TTC7B: variants seen among roughly 807,000 people sequenced by gnomAD.
The protein encoded by TTC7B is tetratricopeptide repeat protein 7B.
A neutral mutation model predicts 106.8 loss-of-function variants in TTC7B; 28 were observed. The ratio of observed to expected loss-of-function variants is 0.26; its 90% CI spans 0.19 to 0.36. The LOEUF (loss-of-function observed/expected upper bound fraction) is 0.36. TTC7B is among the 10% of genes least tolerant of loss of function. TTC7B has a pLI of 1.00. For synonymous variants in TTC7B, 405 were observed against 430.6 expected, an observed-to-expected ratio of 0.94 and a Z score of 0.74; for missense variants, 862 against 1,076.4, an observed-to-expected ratio of 0.80 and a Z score of 2.79.
chr14:90,724,422 A>G (rs1175731772), intron 5 of TTC7B, among the ~76,000 whole-genome samples: 2 of 152,002 alleles, frequency 1.3e-5, no homozygotes, highest in Non-Finnish European at 2.9e-5. Context: ...GTAATCCCCA[A>G]TGTCGGAAAT....
chr14:90,612,439 A>C (rs1303271619), intron 16 of TTC7B, among the ~76,000 whole-genome samples: 1 of 152,222 alleles, frequency 6.6e-6, no homozygotes, highest in African/African-American at 2.4e-5. Flanking sequence ...ATACAGTGAA[A>C]CGATGACATA....
chr14:90,596,026 T>A lies in TTC7B; in HGVS notation c.1967-2400A>T, dbSNP rs1210325363. On this transcript the variant is annotated intron_variant, in intron 17 of 19. Transcript: ENST00000328459. ...GTTCTTAGACTTTTTGGTCTCAGAA[T>A]CTCTTCAGACTCTAAAAAAATCATT... Among the ~76,000 whole-genome samples the A allele has an allele frequency of 4.6e-5, 7 of 152,162 alleles. No homozygotes were observed. In the East Asian group the frequency reaches 1.2e-3, roughly 25 times the overall value.
intron 5 of TTC7B, among the ~76,000 whole-genome samples, chr14:90,714,230 C>CAA (rs1158904326): frequency 4.5e-5 from 6 of 134,214 alleles, no homozygotes; most frequent in African/African-American, 1.1e-4. Context: ...AACTCTGTCT[C>CAA]AAAAAAAGAA....
In TTC7B at chr14:90,570,819, C is replaced by A. The variant is rs1422747613; in HGVS notation, c.2310+7287G>T. 6.6e-6 allele frequency among the ~76,000 whole-genome samples: 1 copy of A among 152,182 alleles called. No homozygotes were observed. Among genetic ancestry groups the A allele is most frequent in the African/African-American group, 2.4e-5 (1 of 41,438 alleles). ...AACTCATTTAACCCGCACAGCAACA[C>A]CACCGGGCACTGTTATTACTCCCAT... is the stretch of plus-strand genomic sequence containing the variant. On this transcript the variant is annotated intron_variant, in intron 19 of 19. Coordinates refer to ENST00000328459, the MANE Select transcript of TTC7B (RefSeq NM_001010854.2). The surrounding 1 kb of genome is among the most constrained non-coding windows in gnomAD (Gnocchi z 4.0).
Position 90,533,172 on chromosome 14 carries a change from G to T in TTC7B, c.*8196C>A, listed in dbSNP as rs995240322. On this transcript the variant is annotated 3_prime_UTR_variant, in exon 20 of 20. Coordinates refer to ENST00000328459, the MANE Select transcript of TTC7B (RefSeq NM_001010854.2). The stretch of plus-strand genomic sequence containing the variant: ...CCCGAGCCCTTGGGCCACAGGCACC[G>T]CCTCAGGCAGTGGCGGATGGGAGCC... 6.6e-6 allele frequency: 1 copy of T among 152,334 alleles called. No individual in the cohort carries two copies. The highest frequency in any genetic ancestry group is 1.5e-5 in the Non-Finnish European group (1 of 68,160). The allele number at this position is 152,334 out of a possible 1,614,324, so 9.4% of individuals were successfully genotyped here. A position where few individuals can be genotyped will look rare whatever the true frequency, so the allele number is the denominator to read the frequency against.
At chr14:90,595,560 G>A (rs888881307) in intron 17 of TTC7B, among the ~76,000 whole-genome samples, 2 of 152,060 alleles carry the variant, frequency 1.3e-5, no homozygotes, top group African/African-American at 4.8e-5. Context: ...TTGATAACAA[G>A]GACTTGATGT....
chr14:90,790,103 A>G (rs781725473), intron 1 of TTC7B, among the ~76,000 whole-genome samples: 35 of 152,060 alleles, frequency 2.3e-4, no homozygotes, highest in Non-Finnish European at 3.8e-4. Flanking sequence ...CAATATGATC[A>G]CTGTTTATAG....
intron 1 of TTC7B, among the ~76,000 whole-genome samples, chr14:90,800,964 T>A (rs1342998160): frequency 6.6e-6 from 1 of 152,104 alleles, no homozygotes; most frequent in Non-Finnish European, 1.5e-5. Context: ...GGCAGGAGGA[T>A]TGCTTGTGCC....
At chr14:90,765,194 A>C (rs1890633236) in intron 3 of TTC7B, among the ~76,000 whole-genome samples, 1 of 152,220 alleles carries the variant, frequency 6.6e-6, no homozygotes, top group Non-Finnish European at 1.5e-5. Context: ...AAATGAAAAG[A>C]AGCCAGATAC....
intron 13 of TTC7B, among the ~76,000 whole-genome samples, chr14:90,649,723 TCCACCCAGCCAACCAC>T (rs1400993169): frequency 1.4e-5 from 2 of 144,566 alleles, no homozygotes; most frequent in African/African-American, 5.0e-5. Flanking sequence ...TACCCACCCA[TCCACCCAGCCAACCAC>T]CCACCCATCC....
intron 19 of TTC7B, among the ~76,000 whole-genome samples, chr14:90,574,123 C>T (rs117818569): frequency 6.6e-6 from 1 of 152,322 alleles, no homozygotes; most frequent in East Asian, 1.9e-4. Flanking sequence ...ATGAGCCATG[C>T]TTCTCTCCTC....
chr14:90,753,285 G>A (rs899034098), intron 3 of TTC7B, among the ~76,000 whole-genome samples: 3 of 152,144 alleles, frequency 2.0e-5, no homozygotes, highest in Admixed American at 6.6e-5. Flanking sequence ...GACCCACAGG[G>A]GTGTTTATAA....
chr14:90,527,560 CT>C lies in TTC7B; in HGVS notation c.*13807del, dbSNP rs944741346. 606 of 139,184 alleles carry C rather than the reference CT, an allele frequency of 4.4e-3. 2 individuals are homozygous for C. The highest frequency in any genetic ancestry group is 6.1e-3 in the African/African-American group (228 of 37,446). The allele number at this position is 139,184 out of a possible 1,614,324, so 8.6% of individuals were successfully genotyped here. On this transcript the variant is annotated 3_prime_UTR_variant, in exon 20 of 20. Transcript: ENST00000328459. ...GAGATCCAGAGGGAGATGTGACTCA[CT>C]TTTTTTTTTTTTTTTTGAGATGGAG...
intron 9 of TTC7B, among the ~76,000 whole-genome samples, chr14:90,662,298 G>C (rs1886240515): frequency 6.6e-6 from 1 of 152,230 alleles, no homozygotes; most frequent in Non-Finnish European, 1.5e-5. Context: ...GAGTGAGCTG[G>C]GACCTCCCAA....
rs560873281 is a variant in TTC7B at position 90,809,684 on chromosome 14, C to A, written c.121+6491G>T. ...CTCGGCCTGACTTCCTTACTTACAC[C>A]TGTTCCAACTGCTCATGAAAGCCGA... On this transcript the variant is annotated intron_variant, in intron 1 of 19. Transcript: ENST00000328459. Among the ~76,000 whole-genome samples the A allele has an allele frequency of 5.2e-5, 8 of 152,388 alleles. No individual in the cohort carries two copies. The South Asian group carries it at 1.7e-3, about 32-fold the overall frequency.
At chr14:90,751,925 T>C (rs1038492159) in intron 3 of TTC7B, among the ~76,000 whole-genome samples, 1 of 152,044 alleles carries the variant, frequency 6.6e-6, no homozygotes, top group African/African-American at 2.4e-5. Flanking sequence ...GGAAGCCCCT[T>C]ATAAGGGAGC....
In TTC7B at chr14:90,604,805, T is replaced by G. The variant is rs547833681; in HGVS notation, c.1966+5937A>C. Among the ~76,000 whole-genome samples, 24 of 152,326 alleles carry G rather than the reference T, an allele frequency of 1.6e-4. 1 individual carries two copies. The highest frequency in any genetic ancestry group is 5.5e-4 in the African/African-American group (23 of 41,568). ...TTCATTTTCACACAGGGATCTTTCT[T>G]GTTGCTGTTCATGGACAGGTTCTGG... On this transcript the variant is annotated intron_variant, in intron 17 of 19. Coordinates refer to ENST00000328459, the MANE Select transcript of TTC7B (RefSeq NM_001010854.2).
At chr14:90,784,482 G>A (rs1041990164) in intron 2 of TTC7B, among the ~76,000 whole-genome samples, 12 of 152,098 alleles carry the variant, frequency 7.9e-5, no homozygotes, top group Admixed American at 2.0e-4. Flanking sequence ...GCATGAGCGC[G>A]GGAGGCAGAG....
rs199625246 is a variant in TTC7B, at chr14:90,764,446, G to GA, written c.445+16291dup. Among the ~76,000 whole-genome samples, 62 of 148,654 alleles carry GA rather than the reference G, an allele frequency of 4.2e-4. 1 individual carries two copies. In the East Asian group the frequency reaches 7.7e-3, roughly 18 times the overall value. On this transcript the variant is annotated intron_variant, in intron 3 of 19. Coordinates refer to ENST00000328459, the MANE Select transcript of TTC7B (RefSeq NM_001010854.2). The stretch of plus-strand genomic sequence containing the variant: ...AACCAAAACAACAAAAATAATAAAA[G>GA]AAAAAAAAATGAACTGGACTTAATC...
Sources: allele counts gnomAD v4.1 joint callset (sites outside exome capture counted in the v4.1 genomes callset), GRCh38; gene constraint gnomAD v4.1.1; non-coding constraint Gnocchi (gnomAD v3.1); transcripts MANE v1.5; gene names NCBI Gene and HGNC (gene_info 2026-07-23, HGNC 2026-07-21).